The following ANKS1B variants were observed in gnomAD, a reference collection of about 807,000 sequenced individuals.
The protein encoded by ANKS1B is ankyrin repeat and sterile alpha motif domain-containing protein 1B.
ANKS1B carries 36 observed loss-of-function variants against 148.3 expected under a neutral mutation model. That is an observed-to-expected ratio of 0.24 (90% confidence interval 0.19 to 0.32). The LOEUF (loss-of-function observed/expected upper bound fraction) is 0.32, where lower values mean the gene tolerates loss of function less well. Among genes scored for constraint, ANKS1B ranks in the 10% least tolerant of loss-of-function variants. The pLI is 1.00. For synonymous variants in ANKS1B, 542 were observed against 560.8 expected (o/e 0.97, Z 0.47); for missense variants, 1,157 against 1,542.6 (o/e 0.75, Z 4.19).
chr12:99,820,316 A>G (rs1325589540), intron 2 of ANKS1B, among the ~76,000 whole-genome samples: 3 of 151,962 alleles, frequency 2.0e-5, no homozygotes, highest in African/African-American at 7.2e-5. Context: ...ATGGCTCCCA[A>G]TGAAAATGTA....
At chr12:98,897,863 A>G (rs2099766972) in intron 17 of ANKS1B, among the ~76,000 whole-genome samples, 1 of 152,238 alleles carries the variant, frequency 6.6e-6, no homozygotes, top group South Asian at 2.1e-4. Flanking sequence ...AATATACACC[A>G]TGGGATACTA....
chr12:99,337,393 T>C (rs145663574), intron 12 of ANKS1B, among the ~76,000 whole-genome samples: 1 of 152,230 alleles, frequency 6.6e-6, no homozygotes, highest in African/African-American at 2.4e-5. Context: ...GAATTCTGAA[T>C]ACCTTCTCTG....
intron 1 of ANKS1B, among the ~76,000 whole-genome samples, chr12:99,905,743 T>G (rs1433098889): frequency 6.6e-6 from 1 of 152,214 alleles, no homozygotes; most frequent in Non-Finnish European, 1.5e-5. Context: ...TCCCTCTGTG[T>G]TTGTCAATGT....
intron 17 of ANKS1B, among the ~76,000 whole-genome samples, chr12:98,969,993 A>G (rs149532480): frequency 6.6e-5 from 10 of 152,318 alleles, no homozygotes; most frequent in African/African-American, 2.2e-4. Context: ...TCTAATCTTC[A>G]CATTTCCTCC....
intron 9 of ANKS1B, among the ~76,000 whole-genome samples, chr12:99,614,070 CA>C (rs1232177040): frequency 1.3e-5 from 2 of 151,690 alleles, no homozygotes; most frequent in African/African-American, 2.4e-5. Context: ...AACATTCATT[CA>C]TTTATTTTTC....
At chr12:99,800,638 T>C (rs2066837307) in intron 4 of ANKS1B, among the ~76,000 whole-genome samples, 1 of 152,012 alleles carries the variant, frequency 6.6e-6, no homozygotes, top group African/African-American at 2.4e-5. Flanking sequence ...GCCAAACAAC[T>C]AGAAGGATGG....
intron 9 of ANKS1B, among the ~76,000 whole-genome samples, chr12:99,537,556 T>C (rs931758936): frequency 6.6e-6 from 1 of 152,196 alleles, no homozygotes; most frequent in Non-Finnish European, 1.5e-5. Flanking sequence ...CAGTTGTGTA[T>C]GTCTTCTTGT....
At position 98,773,129 on chromosome 12, in the gene ANKS1B, G is replaced by A; in HGVS notation, c.3492C>T (p.Asp1164=). The change falls in exon 25 of 27, where the codon GAC becomes GAT. Residue 1164 remains aspartate, a synonymous_variant. Transcript: ENST00000683438. ...EIRNISCAAQ[D]PEDLSTFAYI... Reference sequence around the variant, plus strand: ...AGGCAAATGTTGAGAGGTCTTCTGGGTCCTGGGCAGCACAGGAGATATTAC... The same window carrying A: ...AGGCAAATGTTGAGAGGTCTTCTGGATCCTGGGCAGCACAGGAGATATTAC... 6.2e-7 allele frequency: 1 copy of A among 1,613,662 alleles called. No individual in the cohort carries two copies. The highest frequency in any genetic ancestry group is 1.3e-5 in the African/African-American group (1 of 75,052).
chr12:99,191,506 T>C (rs1566595813), intron 14 of ANKS1B, among the ~76,000 whole-genome samples: 1 of 152,208 alleles, frequency 6.6e-6, no homozygotes, highest in Non-Finnish European at 1.5e-5. Context: ...CATGTAATAC[T>C]ATGCAGCCAT....
At chr12:99,123,899 C>A (rs773677564) in intron 15 of ANKS1B, among the ~76,000 whole-genome samples, 14 of 152,122 alleles carry the variant, frequency 9.2e-5, no homozygotes, top group Admixed American at 5.9e-4. Flanking sequence ...CACCCAGGAA[C>A]AATACATTGC....
intron 8 of ANKS1B, among the ~76,000 whole-genome samples, chr12:99,744,899 G>A (rs1194141129): frequency 1.4e-5 from 2 of 146,464 alleles, no homozygotes; most frequent in African/African-American, 5.1e-5. Context: ...GGCTGAGGCA[G>A]GAGAATTGCT....
At chr12:99,230,942 C>T (rs1251028362) in intron 14 of ANKS1B, among the ~76,000 whole-genome samples, 2 of 152,104 alleles carry the variant, frequency 1.3e-5, no homozygotes, top group Admixed American at 1.3e-4. Context: ...CTACTACCTA[C>T]CTTCCCCAGT....
intron 8 of ANKS1B, among the ~76,000 whole-genome samples, chr12:99,755,081 A>T (rs1405618312): frequency 6.8e-6 from 1 of 146,694 alleles, no homozygotes; most frequent in Non-Finnish European, 1.5e-5. Context: ...TAAAAAAAAA[A>T]ATTAATAACA....
intron 14 of ANKS1B, among the ~76,000 whole-genome samples, chr12:99,160,209 G>T (rs921543517): frequency 6.6e-6 from 1 of 152,082 alleles, no homozygotes; most frequent in Non-Finnish European, 1.5e-5. Context: ...CTTTTGCTGT[G>T]CAGAAGCTCT....
intron 8 of ANKS1B, among the ~76,000 whole-genome samples, chr12:99,732,629 A>G (rs891375461): frequency 6.6e-6 from 1 of 152,218 alleles, no homozygotes; most frequent in Non-Finnish European, 1.5e-5. Flanking sequence ...GATCTTTGGA[A>G]GAATGATGAA....
At chr12:99,315,164 T>C (rs2083823402) in intron 12 of ANKS1B, among the ~76,000 whole-genome samples, 1 of 149,724 alleles carries the variant, frequency 6.7e-6, no homozygotes, top group African/African-American at 2.5e-5. Flanking sequence ...TGCTTGAACC[T>C]GGGAGGCAGA....
At chr12:99,135,633 A>G (rs933733123) in intron 15 of ANKS1B, among the ~76,000 whole-genome samples, 3 of 152,246 alleles carry the variant, frequency 2.0e-5, no homozygotes, top group African/African-American at 4.8e-5. Flanking sequence ...CTTGAATGAC[A>G]TACTAAGCCA....
intron 9 of ANKS1B, among the ~76,000 whole-genome samples, chr12:99,601,589 A>G (rs989928236): frequency 3.3e-5 from 5 of 152,124 alleles, no homozygotes; most frequent in Admixed American, 1.3e-4. Context: ...TTCACTCATC[A>G]TAAGGATCAC....
chr12:98,876,779 T>C (rs1269329598), intron 17 of ANKS1B, among the ~76,000 whole-genome samples: 1 of 152,188 alleles, frequency 6.6e-6, no homozygotes, highest in Non-Finnish European at 1.5e-5. Flanking sequence ...TTACATAAAT[T>C]GAAGACAAGA....
Sources: allele counts gnomAD v4.1 joint callset (sites outside exome capture counted in the v4.1 genomes callset), GRCh38; gene constraint gnomAD v4.1.1; transcripts MANE v1.5; gene names NCBI Gene and HGNC (gene_info 2026-07-23, HGNC 2026-07-21).